CCNY: variants seen among roughly 807,000 people sequenced by gnomAD.
The protein encoded by CCNY is cyclin Y.
In CCNY, 19 loss-of-function variants were observed where a neutral mutation model predicts 42.8. The ratio of observed to expected loss-of-function variants is 0.44; its 90% CI spans 0.31 to 0.65. CCNY has a LOEUF of 0.65. Among genes scored for constraint, CCNY ranks in the 30% least tolerant of loss-of-function variants. CCNY has a pLI of 0.07. For synonymous variants in CCNY, 165 were observed against 162.7 expected, an observed-to-expected ratio of 1.01 and a Z score of -0.11; for missense variants, 370 against 437.3, an observed-to-expected ratio of 0.85 and a Z score of 1.37.
At chr10:35,398,214 A>T (rs1399981743) in intron 1 of CCNY, among the ~76,000 whole-genome samples, 1 of 152,210 alleles carries the variant, frequency 6.6e-6, no homozygotes. Flanking sequence ...GACTGTGGGC[A>T]GAGCTGGCCC....
intron 3 of CCNY, among the ~76,000 whole-genome samples, chr10:35,316,109 T>C (rs532633306): frequency 2.4e-4 from 37 of 152,356 alleles, no homozygotes; most frequent in African/African-American, 8.2e-4. Flanking sequence ...TTTTTAATGA[T>C]GCATTAGGAT....
intron 7 of CCNY, among the ~76,000 whole-genome samples, chr10:35,544,144 G>A (rs1051034392): frequency 1.3e-5 from 2 of 152,120 alleles, no homozygotes; most frequent in Admixed American, 6.5e-5. Flanking sequence ...TAAATGTACA[G>A]CATTTATCAA....
rs928554242 is a variant in CCNY, at chr10:35,304,435, A to G, written c.-9+53809A>G. 1.9e-5 allele frequency among the ~76,000 whole-genome samples: 2 copies of G among 102,982 alleles called. 1 individual carries two copies. Among genetic ancestry groups the G allele is most frequent in the African/African-American group, 9.6e-5 (2 of 20,786 alleles). 67.6% of individuals were successfully genotyped at this position (102,982 alleles called of 152,430 possible). A position where few individuals can be genotyped will look rare whatever the true frequency, so the allele number is the denominator to read the frequency against. On this transcript the variant is annotated intron_variant, in intron 3 of 11. Coordinates refer to the CCNY transcript ENST00000374706. ...CGCCATTCTCCTGCCTCAGCCTCCC[A>G]AGTAGCTGGGACTACAGGCGCCCGC...
At chr10:35,386,989 T>G (rs753636146) in intron 1 of CCNY, among the ~76,000 whole-genome samples, 3 of 152,140 alleles carry the variant, frequency 2.0e-5, no homozygotes, top group Non-Finnish European at 4.4e-5. Flanking sequence ...AGGCCTTCAG[T>G]GATTTCCTGC....
intron 1 of CCNY, among the ~76,000 whole-genome samples, chr10:35,428,217 A>C (rs915790526): frequency 2.0e-5 from 3 of 152,164 alleles, no homozygotes; most frequent in Non-Finnish European, 4.4e-5. Context: ...CACAACCGAG[A>C]TCAAGCCACC....
Position 35,481,147 on chromosome 10 carries a change from G to A in CCNY, c.155-2257G>A, listed in dbSNP as rs191665078. On this transcript the variant is annotated intron_variant, in intron 1 of 9. Coordinates refer to ENST00000374704, the MANE Select transcript of CCNY (RefSeq NM_145012.6). Reference sequence around the variant, plus strand: ...GTCACCTAATGACATACGGTACATCGGTTTCCGTGTCAATAAAATATTCTT... The same window carrying A: ...GTCACCTAATGACATACGGTACATCAGTTTCCGTGTCAATAAAATATTCTT... Among the ~76,000 whole-genome samples the A allele has an allele frequency of 8.7e-4, 133 of 152,254 alleles. 1 individual carries two copies. Among genetic ancestry groups the A allele is most frequent in the African/African-American group, 2.9e-3 (120 of 41,552 alleles).
chr10:35,399,267 G>A (rs1335205074), intron 1 of CCNY, among the ~76,000 whole-genome samples: 5 of 151,272 alleles, frequency 3.3e-5, no homozygotes, highest in African/African-American at 7.3e-5. Flanking sequence ...CTGCTGGGCC[G>A]TGGAGGCTGT....
chr10:35,513,581 C>G (rs142171371), intron 3 of CCNY, among the ~76,000 whole-genome samples: 175 of 152,318 alleles, frequency 1.1e-3, no homozygotes, highest in African/African-American at 4.1e-3. Flanking sequence ...TTTACAAATA[C>G]TAATTCATGC....
rs1166900318 is a variant in CCNY, at chr10:35,516,661, C to CTTCCTTTT, written c.365+40_365+41insCCTTTTTT. 5.2e-5 allele frequency: 17 copies of CTTCCTTTT among 327,614 alleles called. No individual in the cohort carries two copies. The African/African-American group carries it at 6.9e-4, about 13-fold the overall frequency. 20.3% of individuals were successfully genotyped at this position (327,614 alleles called of 1,614,324 possible). A position where few individuals can be genotyped will look rare whatever the true frequency, so the allele number is the denominator to read the frequency against. On this transcript the variant is annotated intron_variant, in intron 4 of 9. Coordinates refer to ENST00000374704, the MANE Select transcript of CCNY (RefSeq NM_145012.6). The stretch of plus-strand genomic sequence containing the variant: ...ATTTATTTCCTTCCTTCCTTCCTTC[C>CTTCCTTTT]TTTTTTTTTTTTTTTTTTTTTTTTT...
chr10:35,397,223 T>C (rs1393161490), intron 1 of CCNY, among the ~76,000 whole-genome samples: 3 of 152,242 alleles, frequency 2.0e-5, no homozygotes, highest in Non-Finnish European at 1.5e-5. Context: ...GTTGAAGTTG[T>C]TCTGGTAGCC....
chr10:35,264,870 C>T (rs2095723606), intron 3 of CCNY, among the ~76,000 whole-genome samples: 1 of 152,182 alleles, frequency 6.6e-6, no homozygotes. Flanking sequence ...CTCAGGTGAT[C>T]CACCCACCTT....
chr10:35,332,388 C>T (rs577491578), upstream of CCNY: 2 of 152,246 alleles, frequency 1.3e-5, no homozygotes, highest in African/African-American at 2.4e-5. Flanking sequence ...TTCATGGATA[C>T]GAGTATGGCT....
intron 3 of CCNY, among the ~76,000 whole-genome samples, chr10:35,512,336 G>A (rs764258932): frequency 1.3e-5 from 2 of 152,130 alleles, no homozygotes; most frequent in Non-Finnish European, 2.9e-5. Flanking sequence ...ACAGAGGGGA[G>A]AAGGAAGTTG....
Position 35,530,031 on chromosome 10 carries a change from G to T in CCNY, c.459+1G>T. ...TGATGAAAATCTTCACCCTCTTTCG[G>T]TAATCTCCTCCGTGTGTTTCATGAG... On this transcript the variant is annotated splice_donor_variant, in intron 6 of 9. Coordinates refer to ENST00000374704, the MANE Select transcript of CCNY (RefSeq NM_145012.6). LOFTEE classifies it high-confidence loss of function. The surrounding 1 kb of genome is among the most constrained non-coding windows in gnomAD (Gnocchi z 4.3). The T allele has an allele frequency of 6.2e-7, 1 of 1,614,056 alleles. No individual in the cohort carries two copies. Among genetic ancestry groups the T allele is most frequent in the Non-Finnish European group, 8.5e-7 (1 of 1,179,958 alleles).
intron 2 of CCNY, among the ~76,000 whole-genome samples, chr10:35,492,397 C>T (rs923541277): frequency 6.6e-6 from 1 of 152,206 alleles, no homozygotes; most frequent in Admixed American, 6.5e-5. Context: ...AGACACCTTT[C>T]CTTGGCTGGA....
chr10:35,306,352 C>T (rs1835606394), intron 3 of CCNY, among the ~76,000 whole-genome samples: 1 of 152,206 alleles, frequency 6.6e-6, no homozygotes, highest in Admixed American at 6.5e-5. Context: ...TTGGATTTGT[C>T]ATTCAGCACA....
chr10:35,393,058 C>A (rs767910035), intron 1 of CCNY, among the ~76,000 whole-genome samples: 4 of 152,178 alleles, frequency 2.6e-5, no homozygotes, highest in Non-Finnish European at 4.4e-5. Flanking sequence ...ACCCTGCTCC[C>A]TCTGCGCATT....
At chr10:35,338,098 T>C (rs1329182819) in intron 1 of CCNY, among the ~76,000 whole-genome samples, 1 of 152,264 alleles carries the variant, frequency 6.6e-6, no homozygotes, top group African/African-American at 2.4e-5. Flanking sequence ...TGGAAGTATC[T>C]TTTTATGACA....
chr10:35,564,327 C>A (rs932085695), intron 8 of CCNY, among the ~76,000 whole-genome samples: 1 of 152,148 alleles, frequency 6.6e-6, no homozygotes, highest in Admixed American at 6.5e-5. Flanking sequence ...CCTTCCTTGC[C>A]GCCTGCCCAC....
Sources: allele counts gnomAD v4.1 joint callset (sites outside exome capture counted in the v4.1 genomes callset), GRCh38; gene constraint gnomAD v4.1.1; non-coding constraint Gnocchi (gnomAD v3.1); transcripts MANE v1.5; gene names NCBI Gene and HGNC (gene_info 2026-07-23, HGNC 2026-07-21).